ANK2: variants seen among roughly 807,000 people sequenced by gnomAD.
ANK2 encodes the protein ankyrin-2.
A neutral mutation model predicts 360.5 loss-of-function variants in ANK2; 83 were observed. That is an observed-to-expected ratio of 0.23 (90% CI 0.19 to 0.28). ANK2 has a LOEUF of 0.28. Among genes scored for constraint, ANK2 ranks in the 10% least tolerant of loss-of-function variants. The pLI is 1.00. For missense variants in ANK2, 4,201 were observed against 4,795.7 expected (o/e 0.88, Z 3.66); for synonymous variants, 1,740 against 1,759.5 (o/e 0.99, Z 0.28).
At chr4:113,133,255 G>A (rs1176537877) in intron 1 of ANK2, among the ~76,000 whole-genome samples, 1 of 152,172 alleles carries the variant, frequency 6.6e-6, no homozygotes, top group African/African-American at 2.4e-5. Context: ...GAAATTAAAG[G>A]TGAATGGAGA....
chr4:113,323,730 T>A (rs1390528033), intron 26 of ANK2: 1 of 1,597,050 alleles, frequency 6.3e-7, no homozygotes. Flanking sequence ...CCGTTCCTTC[T>A]CTGTGCTAAA....
At chr4:113,348,806 C>G (rs746780843) in intron 36 of ANK2, among the ~76,000 whole-genome samples, 1 of 152,012 alleles carries the variant, frequency 6.6e-6, no homozygotes, top group East Asian at 1.9e-4. Flanking sequence ...CTTGCATACT[C>G]TTAGGTTCTA....
chr4:113,241,532 G>C (rs1004894975), intron 8 of ANK2, among the ~76,000 whole-genome samples: 15 of 152,114 alleles, frequency 9.9e-5, no homozygotes, highest in African/African-American at 3.6e-4. Context: ...TAGCGATGAG[G>C]TCTTACTATA....
chr4:113,008,425 A>G (rs2154290940), intron 2 of ANK2, among the ~76,000 whole-genome samples: 1 of 152,292 alleles, frequency 6.6e-6, no homozygotes, highest in South Asian at 2.1e-4. Flanking sequence ...TCCACAGGCA[A>G]TTTAATTCTC....
At chr4:112,900,936 A>T (rs1237143113) in intron 1 of ANK2, among the ~76,000 whole-genome samples, 1 of 152,202 alleles carries the variant, frequency 6.6e-6, no homozygotes, top group African/African-American at 2.4e-5. Flanking sequence ...GTTGGACAAG[A>T]GCCTCACTTT....
intron 43 of ANK2, among the ~76,000 whole-genome samples, chr4:113,372,837 G>A (rs1238450138): frequency 1.3e-5 from 2 of 152,126 alleles, no homozygotes; most frequent in Non-Finnish European, 2.9e-5. Context: ...GCAAGACTTG[G>A]CTTCTTCACT....
intron 29 of ANK2, among the ~76,000 whole-genome samples, chr4:113,333,665 C>A (rs1433570242): frequency 6.6e-6 from 1 of 152,152 alleles, no homozygotes; most frequent in Non-Finnish European, 1.5e-5. Context: ...GGAAAACTTA[C>A]ATCTACCCAT....
chr4:113,331,503 A>G (rs902581222), intron 27 of ANK2, among the ~76,000 whole-genome samples: 20 of 152,212 alleles, frequency 1.3e-4, no homozygotes, highest in African/African-American at 4.6e-4. Context: ...GTTGCATCAG[A>G]AAATGCCATT....
At chr4:113,234,652 A>G (rs2153545766) in intron 5 of ANK2, among the ~76,000 whole-genome samples, 1 of 152,300 alleles carries the variant, frequency 6.6e-6, no homozygotes, top group South Asian at 2.1e-4. Context: ...CAATATGCCT[A>G]AAGAAGGGAC....
chr4:112,867,994 G>A (rs1221695598), intron 1 of ANK2, among the ~76,000 whole-genome samples: 1 of 152,080 alleles, frequency 6.6e-6, no homozygotes, highest in Non-Finnish European at 1.5e-5. Flanking sequence ...TTTCCAAAGA[G>A]GCTATACCAT....
At chr4:113,213,511 C>A (rs895330988) in intron 4 of ANK2, among the ~76,000 whole-genome samples, 1 of 152,156 alleles carries the variant, frequency 6.6e-6, no homozygotes, top group Non-Finnish European at 1.5e-5. Context: ...ATAGGTCATA[C>A]TTTTATGGGT....
At chr4:113,346,151 C>T in intron 35 of ANK2, 129 bp downstream of exon 35, 3 of 1,024,870 alleles carry the variant, frequency 2.9e-6, no homozygotes, top group Admixed American at 1.9e-5. Flanking sequence ...AAAATGAATA[C>T]CAACAAAGAC....
chr4:113,165,639 A>T (rs752619301), intron 1 of ANK2, among the ~76,000 whole-genome samples: 5 of 152,140 alleles, frequency 3.3e-5, no homozygotes, highest in Non-Finnish European at 7.4e-5. Context: ...AAATGAGGGA[A>T]TCATATTCTT....
chr4:112,784,984 G>A, the ANK2 span, among the ~76,000 whole-genome samples: 10 of 152,156 alleles, frequency 6.6e-5, no homozygotes, highest in Non-Finnish European at 1.5e-4. Context: ...GTTTGATGCC[G>A]TGGCCAATAA....
chr4:112,765,413 A>G, the ANK2 span, among the ~76,000 whole-genome samples: 3 of 152,070 alleles, frequency 2.0e-5, no homozygotes, highest in Non-Finnish European at 4.4e-5. Flanking sequence ...GGGAGAACCA[A>G]TTGCCTGCAG....
At chr4:113,178,254 C>G (rs2098289742) in intron 2 of ANK2, among the ~76,000 whole-genome samples, 1 of 151,462 alleles carries the variant, frequency 6.6e-6, no homozygotes, top group Non-Finnish European at 1.5e-5. Context: ...AGAGTAAGAC[C>G]CTGTCTCTTA....
rs183866545 is a variant in ANK2, at chr4:113,372,650, G to A, written c.11611-440G>A. 360 of 1,438,980 alleles carry A rather than the reference G, an allele frequency of 2.5e-4. 2 individuals carry two copies. The East Asian group carries it at 3.0e-3, about 12-fold the overall frequency. The allele number at this position is 1,438,980 out of a possible 1,614,324, so 89.1% of individuals were successfully genotyped here. ...GGTACCCACTGTTAAATTACTGCAC[G>A]TCAGGGACAGTCCTGTCCCCATATT... On this transcript the variant is annotated intron_variant, in intron 43 of 45. Transcript: ENST00000357077.
At chr4:113,266,021 A>G (rs987049444) in intron 14 of ANK2, among the ~76,000 whole-genome samples, 3 of 152,156 alleles carry the variant, frequency 2.0e-5, no homozygotes, top group Admixed American at 6.5e-5. Context: ...GGTTTGTTAC[A>G]TAGGTATATA....
intron 2 of ANK2, among the ~76,000 whole-genome samples, chr4:112,948,174 G>A (rs1007623794): frequency 3.9e-5 from 6 of 152,154 alleles, no homozygotes; most frequent in Non-Finnish European, 8.8e-5. Flanking sequence ...AGAGGATCAG[G>A]TCTGTGCCAT....
Sources: gnomAD v4.1 joint callset for allele counts (sites outside exome capture counted in the v4.1 genomes callset) on GRCh38, gnomAD v4.1.1 for gene constraint, MANE v1.5 for transcripts, NCBI Gene and HGNC (gene_info 2026-07-23, HGNC 2026-07-21) for gene names.